Variants in SPOCK1 observed in about 807,000 individuals in gnomAD.
SPOCK1 encodes SPARC (osteonectin), cwcv and kazal like domains proteoglycan 1.
SPOCK1 carries 23 observed loss-of-function variants against 55.3 expected under a neutral mutation model. The observed-to-expected ratio is 0.42, with a 90% CI of 0.30 to 0.59. The LOEUF is 0.59. Among genes scored for constraint, SPOCK1 ranks in the 20% least tolerant of loss-of-function variants. The pLI is 0.22. For synonymous variants in SPOCK1, 226 were observed against 221.0 expected (o/e 1.02, Z -0.20); for missense variants, 499 against 552.5 (o/e 0.90, Z 0.97).
At chr5:136,999,838 G>T (rs559030224) in intron 6 of SPOCK1, among the ~76,000 whole-genome samples, 1 of 152,146 alleles carries the variant, frequency 6.6e-6, no homozygotes, top group African/African-American at 2.4e-5. Context: ...GGGGATGTCC[G>T]AAAATGGCAA....
intron 6 of SPOCK1, among the ~76,000 whole-genome samples, chr5:137,046,577 T>C (rs1399433352): frequency 4.3e-5 from 5 of 117,184 alleles, no homozygotes; most frequent in East Asian, 3.0e-4. Flanking sequence ...AATCATGTCG[T>C]CTGCAAACAG....
chr5:136,985,598 T>C (rs1309468638), intron 8 of SPOCK1, among the ~76,000 whole-genome samples: 2 of 152,170 alleles, frequency 1.3e-5, no homozygotes, highest in African/African-American at 2.4e-5. Context: ...CAAATACTTA[T>C]ATAGCCTAGG....
intron 5 of SPOCK1, among the ~76,000 whole-genome samples, chr5:137,071,197 T>C (rs548474459): frequency 6.6e-6 from 1 of 152,194 alleles, no homozygotes; most frequent in East Asian, 1.9e-4. Context: ...TCTCACTACA[T>C]TGCCCAGGCT....
Position 137,191,035 on chromosome 5 carries a change from G to A in SPOCK1, c.233-50341C>T, listed in dbSNP as rs552788382. On this transcript the variant is annotated intron_variant, in intron 3 of 10. Transcript: ENST00000394945. ...TCAGTGTCTACCCTTTGTATCTGGG[G>A]ATACAGAATGTTCCTGGCTGTCTTC... Among the ~76,000 whole-genome samples the A allele has an allele frequency of 2.8e-4, 42 of 152,326 alleles. No individual in the cohort carries two copies. The South Asian group carries it at 5.0e-3, about 18-fold the overall frequency.
chr5:137,182,411 C>T (rs778635861), intron 3 of SPOCK1, among the ~76,000 whole-genome samples: 7 of 152,208 alleles, frequency 4.6e-5, no homozygotes, highest in Non-Finnish European at 7.3e-5. Flanking sequence ...TTTTCCTAAA[C>T]AATGTCTCAG....
Position 137,127,962 on chromosome 5 carries a change from G to A in SPOCK1, c.347+12618C>T, listed in dbSNP as rs12523285. ...TGAAAAGGACATGAATTTAATGGGC[G>A]TCAGAGGAAGAATGCTATGGACAAT... is the stretch of plus-strand genomic sequence containing the variant. On this transcript the variant is annotated intron_variant, in intron 4 of 10. Coordinates refer to ENST00000394945, the MANE Select transcript of SPOCK1 (RefSeq NM_004598.4). Among the ~76,000 whole-genome samples the A allele has an allele frequency of 8.2e-3, 1,243 of 152,314 alleles. 5 individuals are homozygous for A. Among genetic ancestry groups the A allele is most frequent in the Non-Finnish European group, 0.014 (943 of 68,022 alleles).
chr5:137,301,432 A>G (rs545641289), intron 2 of SPOCK1, among the ~76,000 whole-genome samples: 1 of 152,302 alleles, frequency 6.6e-6, no homozygotes, highest in East Asian at 1.9e-4. Flanking sequence ...ATATTCTGCC[A>G]ACACCAGTTG....
intron 2 of SPOCK1, among the ~76,000 whole-genome samples, chr5:137,279,730 C>T (rs1757133552): frequency 6.6e-6 from 1 of 152,150 alleles, no homozygotes. Flanking sequence ...AATTACAATC[C>T]CTCCACTTTA....
At chr5:137,258,447 G>A (rs1393124629) in intron 3 of SPOCK1, among the ~76,000 whole-genome samples, 1 of 152,216 alleles carries the variant, frequency 6.6e-6, no homozygotes, top group African/African-American at 2.4e-5. Flanking sequence ...GATGCCTGCA[G>A]GTTTTTCTCC....
At chr5:137,026,609 C>A (rs2126983227) in intron 6 of SPOCK1, among the ~76,000 whole-genome samples, 1 of 151,946 alleles carries the variant, frequency 6.6e-6, no homozygotes, top group Non-Finnish European at 1.5e-5. Context: ...CTCTCCCTCT[C>A]CCTTTTTCTG....
At chr5:137,015,347 G>T (rs1441039739) in intron 6 of SPOCK1, among the ~76,000 whole-genome samples, 3 of 152,118 alleles carry the variant, frequency 2.0e-5, no homozygotes, top group Non-Finnish European at 4.4e-5. Context: ...CTACTTGGGA[G>T]GCTGAGGCAG....
At chr5:137,067,949 G>A (rs995482992) in intron 5 of SPOCK1, 120 bp from the exon 6 acceptor site, 30 of 735,624 alleles carry the variant, frequency 4.1e-5, no homozygotes, top group Admixed American at 9.1e-5. Context: ...GGGAGAGGTC[G>A]ACCTCAGGTA....
chr5:137,448,800 G>T (rs1753186391), intron 2 of SPOCK1, among the ~76,000 whole-genome samples: 1 of 152,192 alleles, frequency 6.6e-6, no homozygotes, highest in African/African-American at 2.4e-5. Context: ...CAGACACTTT[G>T]TACAGAGACA....
At chr5:137,460,718 C>T (rs1753469299) in intron 2 of SPOCK1, among the ~76,000 whole-genome samples, 1 of 151,818 alleles carries the variant, frequency 6.6e-6, no homozygotes, top group Non-Finnish European at 1.5e-5. Flanking sequence ...AATCCAATTC[C>T]TTACACTGAT....
intron 2 of SPOCK1, among the ~76,000 whole-genome samples, chr5:137,437,263 C>G (rs938642012): frequency 6.6e-6 from 1 of 152,168 alleles, no homozygotes; most frequent in African/African-American, 2.4e-5. Flanking sequence ...AAATGACTAG[C>G]CTTTGGAGCT....
chr5:136,985,318 C>A, intron 8 of SPOCK1, 116 bp from the exon 9 acceptor site: 4 of 1,008,974 alleles, frequency 4.0e-6, no homozygotes, highest in Admixed American at 1.8e-5. Flanking sequence ...TGGAATTGTT[C>A]CATATGCTGT....
At chr5:137,144,091 C>T (rs1294089355) in intron 3 of SPOCK1, among the ~76,000 whole-genome samples, 1 of 152,146 alleles carries the variant, frequency 6.6e-6, no homozygotes, top group Non-Finnish European at 1.5e-5. Flanking sequence ...CCACGATTCC[C>T]TCTCAGTACA....
At chr5:137,171,752 GA>G (rs1165342096) in intron 3 of SPOCK1, among the ~76,000 whole-genome samples, 1 of 152,166 alleles carries the variant, frequency 6.6e-6, no homozygotes, top group African/African-American at 2.4e-5. Flanking sequence ...CGTTTCCTAT[GA>G]ACAGATCCCA....
intron 3 of SPOCK1, among the ~76,000 whole-genome samples, chr5:137,224,666 G>C (rs988918469): frequency 1.3e-5 from 2 of 152,100 alleles, no homozygotes; most frequent in African/African-American, 4.8e-5. Context: ...CATACACACG[G>C]CTTCATGAAG....
Sources: gnomAD v4.1 joint callset for allele counts (sites outside exome capture counted in the v4.1 genomes callset) on GRCh38, gnomAD v4.1.1 for gene constraint, MANE v1.5 for transcripts, NCBI Gene and HGNC (gene_info 2026-07-23, HGNC 2026-07-21) for gene names.